Variants in GRIK1 observed in about 807,000 individuals in gnomAD.
GRIK1 encodes the protein glutamate ionotropic receptor kainate type subunit 1.
Under a neutral mutation model 105.7 loss-of-function variants are expected in GRIK1, and 69 were observed. That is an observed-to-expected ratio of 0.65 (90% confidence interval 0.54 to 0.80). GRIK1 has a LOEUF of 0.80. GRIK1 is among the 30% of genes least tolerant of loss of function. GRIK1 has a pLI of 0.00. For missense variants in GRIK1, 1,109 were observed against 1,167.3 expected, an observed-to-expected ratio of 0.95 and a Z score of 0.73; for synonymous variants, 438 against 431.3, an observed-to-expected ratio of 1.02 and a Z score of -0.19.
intron 1 of GRIK1, among the ~76,000 whole-genome samples, chr21:29,923,282 G>A (rs1352119282): frequency 6.6e-6 from 1 of 152,092 alleles, no homozygotes; most frequent in African/African-American, 2.4e-5. Flanking sequence ...CTTTTCTCAG[G>A]CAGCTATAAA....
At chr21:29,736,160 G>A (rs1326603336) in intron 1 of GRIK1, among the ~76,000 whole-genome samples, 3 of 152,090 alleles carry the variant, frequency 2.0e-5, no homozygotes, top group Admixed American at 6.6e-5. Flanking sequence ...GATCTCCTCA[G>A]AAAGAGTTAT....
intron 1 of GRIK1, among the ~76,000 whole-genome samples, chr21:29,727,565 A>G (rs898861452): frequency 6.6e-6 from 1 of 152,124 alleles, no homozygotes; most frequent in Non-Finnish European, 1.5e-5. Flanking sequence ...CATGAGTATG[A>G]GGAGAGATAG....
At chr21:29,719,085 T>C (rs1286986018) in intron 1 of GRIK1, among the ~76,000 whole-genome samples, 3 of 145,610 alleles carry the variant, frequency 2.1e-5, no homozygotes, top group African/African-American at 7.4e-5. Flanking sequence ...TATATACATA[T>C]ATATATATAT....
chr21:29,612,676 C>T (rs1384359815), intron 7 of GRIK1, among the ~76,000 whole-genome samples: 1 of 152,118 alleles, frequency 6.6e-6, no homozygotes, highest in Non-Finnish European at 1.5e-5. Context: ...ATTTGAAAAG[C>T]TGTATGGAAA....
chr21:29,870,047 T>C (rs2068957576), intron 1 of GRIK1, among the ~76,000 whole-genome samples: 2 of 151,934 alleles, frequency 1.3e-5, no homozygotes, highest in Admixed American at 6.6e-5. Context: ...ATGCCCTATG[T>C]TCCTCATAAT....
intron 1 of GRIK1, among the ~76,000 whole-genome samples, chr21:29,844,653 C>G (rs1415319425): frequency 1.3e-5 from 2 of 152,152 alleles, no homozygotes; most frequent in Admixed American, 1.3e-4. Flanking sequence ...GACTATATTC[C>G]TGGACTCCTC....
chr21:29,685,568 C>T (rs972676346), intron 3 of GRIK1, among the ~76,000 whole-genome samples: 9 of 152,182 alleles, frequency 5.9e-5, no homozygotes, highest in African/African-American at 2.2e-4. Context: ...AAATCCCACT[C>T]TCTGTGGCAT....
At chr21:29,781,574 T>G (rs1319146525) in intron 1 of GRIK1, among the ~76,000 whole-genome samples, 3 of 152,102 alleles carry the variant, frequency 2.0e-5, no homozygotes, top group Non-Finnish European at 4.4e-5. Context: ...TTACATAAAT[T>G]TTGTTGTTTT....
At chr21:29,620,806 GAT>G (rs780994882) in intron 7 of GRIK1, among the ~76,000 whole-genome samples, 2,362 of 105,110 alleles carry the variant, frequency 0.022, 53 homozygotes, top group South Asian at 0.092. Context: ...TATATATATA[GAT>G]ATATATATAT....
At chr21:29,835,859 T>A (rs927037468) in intron 1 of GRIK1, among the ~76,000 whole-genome samples, 1 of 152,216 alleles carries the variant, frequency 6.6e-6, no homozygotes, top group Non-Finnish European at 1.5e-5. Context: ...TAGCAATTGC[T>A]TGGTGATTTT....
At chr21:29,820,680 C>T (rs983255467) in intron 1 of GRIK1, among the ~76,000 whole-genome samples, 5 of 151,538 alleles carry the variant, frequency 3.3e-5, no homozygotes, top group African/African-American at 9.7e-5. Context: ...CCTCCTAGTG[C>T]TAATTAAATT....
chr21:29,563,146 A>G (rs947128802), intron 14 of GRIK1, among the ~76,000 whole-genome samples: 2 of 152,232 alleles, frequency 1.3e-5, no homozygotes, highest in Admixed American at 6.5e-5. Flanking sequence ...CACATTAGAC[A>G]AATCCCTTGG....
chr21:29,840,936 A>G (rs2067962188), intron 1 of GRIK1, among the ~76,000 whole-genome samples: 1 of 152,148 alleles, frequency 6.6e-6, no homozygotes, highest in African/African-American at 2.4e-5. Flanking sequence ...TGAAAAATAA[A>G]TGGAAATTAG....
chr21:29,637,029 CTA>C (rs1276982498), intron 7 of GRIK1, among the ~76,000 whole-genome samples: 1 of 152,168 alleles, frequency 6.6e-6, no homozygotes, highest in Non-Finnish European at 1.5e-5. Flanking sequence ...AAATTCTACT[CTA>C]AAACTCAATT....
At chr21:29,587,322 G>A in intron 12 of GRIK1, 44 bp downstream of exon 12, 1 of 1,256,114 alleles carries the variant, frequency 8.0e-7, no homozygotes, top group East Asian at 2.3e-5. Context: ...AGAAATCTGA[G>A]ACTGACCTAC....
chr21:29,735,274 T>C (rs1361373425), intron 1 of GRIK1, among the ~76,000 whole-genome samples: 4 of 152,242 alleles, frequency 2.6e-5, no homozygotes, highest in African/African-American at 9.6e-5. Flanking sequence ...GTGTTCACTT[T>C]AGGTGAATTC....
chr21:29,915,795 A>C (rs1199935893), intron 1 of GRIK1, among the ~76,000 whole-genome samples: 1 of 152,000 alleles, frequency 6.6e-6, no homozygotes, highest in African/African-American at 2.4e-5. Flanking sequence ...TAAATGTGTC[A>C]TATATATGAA....
chr21:29,570,327 C>T (rs896236794), intron 14 of GRIK1, among the ~76,000 whole-genome samples: 12 of 151,968 alleles, frequency 7.9e-5, no homozygotes, highest in African/African-American at 2.7e-4. Flanking sequence ...ATGGTGAAAC[C>T]CTGTCTCTAC....
intron 11 of GRIK1, 75 bp downstream of exon 11, chr21:29,588,764 C>T (rs1377081968): frequency 3.5e-6 from 3 of 845,382 alleles, no homozygotes; most frequent in Non-Finnish European, 5.8e-6. Context: ...GGAAACATTT[C>T]TTCTGACATC....
Sources: allele counts gnomAD v4.1 joint callset (sites outside exome capture counted in the v4.1 genomes callset), GRCh38; gene constraint gnomAD v4.1.1; transcripts MANE v1.5; gene names NCBI Gene and HGNC (gene_info 2026-07-23, HGNC 2026-07-21).